Variants in BACE2 observed in about 807,000 individuals in gnomAD.
The protein encoded by BACE2 is 56 kDa aspartic-like protease.
BACE2 carries 17 observed loss-of-function variants against 46.2 expected under a neutral mutation model. The observed-to-expected ratio is 0.37, with a 90% CI of 0.25 to 0.55. The LOEUF is 0.55. Among genes scored for constraint, BACE2 ranks in the 20% least tolerant of loss-of-function variants. The probability of loss-of-function intolerance (pLI) is 0.82; values close to 1 mark genes in which losing one functional copy is unlikely to be tolerated. For synonymous variants in BACE2, 277 were observed against 295.9 expected (o/e 0.94, Z 0.66); for missense variants, 595 against 698.1 (o/e 0.85, Z 1.66).
chr21:41,219,387 C>T (rs1601280261), intron 1 of BACE2, among the ~76,000 whole-genome samples: 1 of 152,128 alleles, frequency 6.6e-6, no homozygotes. Flanking sequence ...TTATAGCAGA[C>T]AGTGTCACAT....
intron 1 of BACE2, among the ~76,000 whole-genome samples, chr21:41,199,767 A>T (rs35119267): frequency 0.019 from 2,848 of 152,210 alleles, 36 homozygotes; most frequent in South Asian, 0.025. Context: ...CTGGCAGGCA[A>T]GGTGGTGTGT....
At chr21:41,234,912 C>G (rs139078288) in intron 2 of BACE2, among the ~76,000 whole-genome samples, 172 of 152,292 alleles carry the variant, frequency 1.1e-3, no homozygotes, top group Middle Eastern at 3.4e-3. Flanking sequence ...GTCGGGAGAT[C>G]TGCGCACAGA....
intron 1 of BACE2, among the ~76,000 whole-genome samples, chr21:41,209,396 C>A (rs1986229550): frequency 6.6e-6 from 1 of 152,170 alleles, no homozygotes; most frequent in South Asian, 2.1e-4. Context: ...AGGAGTCCAT[C>A]TGAGGGAGGA....
intron 1 of BACE2, chr21:41,180,081 A>G (rs1985057807): frequency 4.0e-6 from 1 of 252,488 alleles, no homozygotes; most frequent in Non-Finnish European, 8.2e-6. Context: ...GTAGCAGCTC[A>G]GAGGCAGTTC....
At chr21:41,184,573 G>A (rs1601247322) in intron 1 of BACE2, 3 of 167,120 alleles carry the variant, frequency 1.8e-5, no homozygotes, top group Non-Finnish European at 4.4e-5. Context: ...CTTAGGGGCT[G>A]ATATGGAGCC....
intron 1 of BACE2, among the ~76,000 whole-genome samples, chr21:41,189,842 A>G (rs911509229): frequency 3.3e-5 from 5 of 152,252 alleles, no homozygotes; most frequent in African/African-American, 7.2e-5. Context: ...ATTAACTTAC[A>G]CAATCACAAG....
intron 1 of BACE2, among the ~76,000 whole-genome samples, chr21:41,197,810 A>G (rs1329072461): frequency 6.6e-6 from 1 of 152,168 alleles, no homozygotes; most frequent in Non-Finnish European, 1.5e-5. Flanking sequence ...AACATCATTC[A>G]TGAGGGCAGA....
intron 3 of BACE2, among the ~76,000 whole-genome samples, chr21:41,239,868 T>C (rs1275474100): frequency 2.6e-5 from 4 of 152,198 alleles, no homozygotes; most frequent in Non-Finnish European, 5.9e-5. Flanking sequence ...GCTTTATCTG[T>C]ATGTGACTGG....
At chr21:41,223,605 G>A (rs940444638) in intron 1 of BACE2, among the ~76,000 whole-genome samples, 3 of 152,202 alleles carry the variant, frequency 2.0e-5, no homozygotes, top group Non-Finnish European at 4.4e-5. Context: ...CTGGAAGGAC[G>A]CCTGTGATAC....
chr21:41,272,306 T>C (rs2088441993), intron 8 of BACE2, among the ~76,000 whole-genome samples: 2 of 152,128 alleles, frequency 1.3e-5, no homozygotes, highest in African/African-American at 2.4e-5. Context: ...ATGTTTCTTG[T>C]GTTTGGGGTC....
chr21:41,215,552 C>T (rs769392078), intron 1 of BACE2, among the ~76,000 whole-genome samples: 7 of 152,224 alleles, frequency 4.6e-5, no homozygotes, highest in Admixed American at 6.5e-5. Context: ...CAGTGATTTT[C>T]AAGGTAGAAG....
intron 7 of BACE2, among the ~76,000 whole-genome samples, chr21:41,255,172 A>G (rs1335435800): frequency 1.3e-5 from 2 of 152,242 alleles, no homozygotes; most frequent in African/African-American, 2.4e-5. Flanking sequence ...GGGAACAGCC[A>G]GCATTCAGGT....
chr21:41,263,800 G>A (rs726979), intron 8 of BACE2, among the ~76,000 whole-genome samples: 1 of 152,194 alleles, frequency 6.6e-6, no homozygotes, highest in Non-Finnish European at 1.5e-5. Context: ...GTGTTCTGAA[G>A]TTTCACCATG....
At chr21:41,218,280 TACTC>T (rs1228631873) in intron 1 of BACE2, among the ~76,000 whole-genome samples, 1 of 152,150 alleles carries the variant, frequency 6.6e-6, no homozygotes, top group Non-Finnish European at 1.5e-5. Flanking sequence ...TCTCCACAAA[TACTC>T]ACTGTTGAAA....
At chr21:41,270,554 T>C (rs189519288) in intron 8 of BACE2, among the ~76,000 whole-genome samples, 16 of 152,300 alleles carry the variant, frequency 1.1e-4, no homozygotes, top group African/African-American at 3.1e-4. Flanking sequence ...AGTGCTGGGA[T>C]TATAGGCATG....
intron 2 of BACE2, among the ~76,000 whole-genome samples, chr21:41,233,120 G>A (rs955613600): frequency 3.9e-5 from 6 of 151,928 alleles, no homozygotes; most frequent in African/African-American, 1.5e-4. Context: ...CACCTGCCTC[G>A]CCTCCCAAAG....
chr21:41,220,064 T>C lies in BACE2; in HGVS notation c.313-6202T>C, dbSNP rs575085952. ...GGCTACAAATGGAAGATTTCCAGGA[T>C]CCTATCCTTGGTTTGATTAATTTGC... On this transcript the variant is annotated intron_variant, in intron 1 of 8. Coordinates refer to ENST00000330333, the MANE Select transcript of BACE2 (RefSeq NM_012105.5). Among the ~76,000 whole-genome samples the C allele has an allele frequency of 7.9e-4, 120 of 152,284 alleles. 3 individuals are homozygous for C. In the South Asian group the frequency reaches 0.019, roughly 24 times the overall value.
At position 41,245,894 on chromosome 21, in the gene BACE2, C is replaced by T. The variant is rs74794041; in HGVS notation, c.883-68C>T. The T allele has an allele frequency of 2.0e-3, 2,491 of 1,260,174 alleles. 53 individuals carry two copies. The African/African-American group carries it at 0.031, about 16-fold the overall frequency. The allele number at this position is 1,260,174 out of a possible 1,614,324, so 78.1% of individuals were successfully genotyped here. On this transcript the variant is annotated intron_variant, in intron 5 of 8. Coordinates refer to ENST00000330333, the MANE Select transcript of BACE2 (RefSeq NM_012105.5). ...TGTAACAGACAGATGGTGATGGCGG[C>T]TAGAGCCACGTGGGGCGGGGAGCGC...
intron 1 of BACE2, among the ~76,000 whole-genome samples, chr21:41,170,487 C>T (rs1487407308): frequency 1.3e-5 from 2 of 152,136 alleles, no homozygotes; most frequent in Non-Finnish European, 2.9e-5. Context: ...CTTGATTTAG[C>T]GATAAGCTGC....
Sources: allele counts gnomAD v4.1 joint callset (sites outside exome capture counted in the v4.1 genomes callset), GRCh38; gene constraint gnomAD v4.1.1; transcripts MANE v1.5; gene names NCBI Gene and HGNC (gene_info 2026-07-23, HGNC 2026-07-21).